TEX15: variants seen among roughly 807,000 people sequenced by gnomAD.
The protein encoded by TEX15 is testis-expressed protein 15.
Under a neutral mutation model 237.3 loss-of-function variants are expected in TEX15, and 171 were observed. The ratio of observed to expected loss-of-function variants is 0.72; its 90% CI spans 0.64 to 0.82. The LOEUF (loss-of-function observed/expected upper bound fraction) is 0.82. Ranked by LOEUF, TEX15 falls within the 40% of genes least tolerant of loss-of-function variation. The pLI is 0.00. For synonymous variants in TEX15, 1,338 were observed against 1,269.8 expected (o/e 1.05, Z -1.14); for missense variants, 3,750 against 3,646.5 (o/e 1.03, Z -0.73).
In TEX15 at chr8:30,845,104, A is replaced by G. The variant is rs776709287; in HGVS notation, c.5063T>C (p.Ile1688Thr). The change falls in exon 8 of 11, where the codon ATT (isoleucine) becomes ACT (threonine). Residue 1688 changes from isoleucine to threonine, a missense_variant. By Grantham distance (89) the Ile-to-Thr change is moderately conservative (BLOSUM62 -1). Coordinates refer to ENST00000643185, the MANE Select transcript of TEX15 (RefSeq NM_001350162.2). ...RNLEVKWTDPIERPKQNIITG... is the reference protein window; with the variant it reads ...RNLEVKWTDPTERPKQNIITG... ...AATAATGTTTTGTTTGGGTCTCTCA[A>G]TAGGATCTGTCCACTTTACTTCCAG... 7 of 1,613,416 alleles carry G rather than the reference A, an allele frequency of 4.3e-6. No individual in the cohort carries two copies. In the East Asian group the frequency reaches 6.7e-5, roughly 15 times the overall value.
intron 1 of TEX15, among the ~76,000 whole-genome samples, chr8:30,905,734 CAAAAAAAAAAA>C (rs34079195): frequency 2.0e-5 from 1 of 50,994 alleles, no homozygotes; most frequent in South Asian, 1.0e-3. Flanking sequence ...ACAAAAAATA[CAAAAAAAAAAA>C]AAAAAAAAAA....
chr8:30,888,385 A>G (rs999861863), intron 2 of TEX15, among the ~76,000 whole-genome samples: 1 of 152,186 alleles, frequency 6.6e-6, no homozygotes, highest in Admixed American at 6.5e-5. Context: ...TCGCTTATTG[A>G]CTACTGTTCC....
At chr8:30,853,071 T>C (rs1807822609) in intron 7 of TEX15, among the ~76,000 whole-genome samples, 1 of 152,226 alleles carries the variant, frequency 6.6e-6, no homozygotes, top group African/African-American at 2.4e-5. Context: ...GGGCATAATA[T>C]AGGTTTTCTC....
intron 7 of TEX15, among the ~76,000 whole-genome samples, chr8:30,850,907 C>T (rs908535857): frequency 1.8e-4 from 28 of 151,746 alleles, no homozygotes; most frequent in Non-Finnish European, 3.5e-4. Context: ...CAAAAAGATG[C>T]CCCAACCCCA....
At chr8:30,886,585 T>TG (rs143369172) in intron 3 of TEX15, among the ~76,000 whole-genome samples, 20,993 of 152,098 alleles carry the variant, frequency 0.14, 2,533 homozygotes, top group African/African-American at 0.32. Context: ...ACTGGCACCA[T>TG]GGGGAAGGAA....
intron 5 of TEX15, among the ~76,000 whole-genome samples, chr8:30,861,138 G>A (rs772570410): frequency 2.0e-4 from 31 of 152,124 alleles, no homozygotes; most frequent in African/African-American, 6.5e-4. Context: ...TAAAGATACC[G>A]TTTGAAATAA....
At chr8:30,839,825 T>C in intron 9 of TEX15, 81 bp downstream of exon 9, 1 of 831,304 alleles carries the variant, frequency 1.2e-6, no homozygotes, top group Non-Finnish European at 1.9e-6. Flanking sequence ...ATTATATAAA[T>C]AATTGTGTTA....
At position 30,887,322 on chromosome 8, in the gene TEX15, C is replaced by G; in HGVS notation, c.-9-11G>C. On this transcript the variant is annotated splice_polypyrimidine_tract_variant and intron_variant, in intron 2 of 10. Transcript: ENST00000643185. ...TTCCATTTTGTTGGCCTAAAATCAACCCAAGGTTATTAAGCAAAAAGGTCA... is the reference window on the plus strand; with the variant it reads ...TTCCATTTTGTTGGCCTAAAATCAAGCCAAGGTTATTAAGCAAAAAGGTCA... 6.6e-7 allele frequency: 1 copy of G among 1,519,320 alleles called. No individual in the cohort carries two copies. The highest frequency in any genetic ancestry group is 8.8e-7 in the Non-Finnish European group (1 of 1,140,476). The allele number at this position is 1,519,320 out of a possible 1,614,324, so 94.1% of individuals were successfully genotyped here.
At position 30,842,328 on chromosome 8, in the gene TEX15, C is replaced by G. The variant is rs756258855; in HGVS notation, c.7839G>C (p.Arg2613Ser). 1 of 1,613,814 alleles carries G rather than the reference C, an allele frequency of 6.2e-7. No homozygotes were observed. Among genetic ancestry groups the G allele is most frequent in the Non-Finnish European group, 8.5e-7 (1 of 1,179,870 alleles). ...RKDLGKMAHIRKVMKTIEHMK... is the reference protein window; with the variant it reads ...RKDLGKMAHISKVMKTIEHMK... ...TATGTTCAATCGTTTTCATGACTTT[C>G]CTAATGTGGGCCATTTTTCCTAAAT... Residue 2613 changes from arginine (R) to serine (S), a missense_variant, in exon 8 of 11, where the codon AGG becomes AGC. Arg to Ser is a moderately radical substitution (Grantham distance 110, BLOSUM62 -1). Transcript: ENST00000643185.
At chr8:30,874,858 G>T in intron 4 of TEX15, 79 bp downstream of exon 4, 1 of 834,974 alleles carries the variant, frequency 1.2e-6, no homozygotes, top group Non-Finnish European at 1.6e-6. Flanking sequence ...AATCTCATAT[G>T]GTAGAAATGA....
In TEX15 at chr8:30,843,693, C is replaced by T; in HGVS notation, c.6474G>A (p.Arg2158=). ...QLVELLEETK[R]EKNSYYVFLK... ...AGAATACATAGTATGAATTCTTTTCCCTTTTTGTTTCTTCAAGCAATTCAA... is the reference window on the plus strand; with the variant it reads ...AGAATACATAGTATGAATTCTTTTCTCTTTTTGTTTCTTCAAGCAATTCAA... The change falls in exon 8 of 11, where the codon AGG becomes AGA. Residue 2158 remains arginine, a synonymous_variant. Coordinates refer to ENST00000643185, the MANE Select transcript of TEX15 (RefSeq NM_001350162.2). The T allele has an allele frequency of 6.2e-7, 1 of 1,612,048 alleles. No individual in the cohort carries two copies. The highest frequency in any genetic ancestry group is 8.5e-7 in the Non-Finnish European group (1 of 1,179,220).
intron 5 of TEX15, 145 bp from the exon 6 acceptor site, chr8:30,860,202 G>T: frequency 1.6e-6 from 1 of 637,344 alleles, no homozygotes; most frequent in Non-Finnish European, 2.4e-6. Flanking sequence ...GGAGTTGCAG[G>T]CTCGACCTCT....
intron 3 of TEX15, among the ~76,000 whole-genome samples, chr8:30,878,853 A>C (rs924100006): frequency 1.3e-5 from 2 of 152,194 alleles, no homozygotes; most frequent in African/African-American, 4.8e-5. Flanking sequence ...GATGATGCCA[A>C]ATTGTTTTCT....
In TEX15 at chr8:30,843,598, G is replaced by T. The variant is rs201375818; in HGVS notation, c.6569C>A (p.Ser2190Tyr). 17 of 1,612,886 alleles carry T rather than the reference G, an allele frequency of 1.1e-5. No homozygotes were observed. The East Asian group carries it at 3.3e-4, about 32-fold the overall frequency. Residue 2190 changes from serine (S) to tyrosine (Y), a missense_variant, in exon 8 of 11, where the codon TCT (serine) becomes TAT (tyrosine). Coordinates refer to ENST00000643185, the MANE Select transcript of TEX15 (RefSeq NM_001350162.2). ...TCCACAGGTAAATGGAACAGAAAGA[G>T]AAAAATCAAAGCAATCGGAACAATG... is the stretch of plus-strand genomic sequence containing the variant. Reference protein sequence around the residue: ...MEHCSDCFDFSLSVPFTCGVN... With the variant: ...MEHCSDCFDFYLSVPFTCGVN...
intron 1 of TEX15, among the ~76,000 whole-genome samples, chr8:30,911,490 C>T (rs1483028821): frequency 6.6e-6 from 1 of 152,126 alleles, no homozygotes. Context: ...CACCAACACA[C>T]ATAGTCGTCA....
At chr8:30,840,109 A>C in intron 8 of TEX15, 145 bp from the exon 9 acceptor site, 3 of 449,172 alleles carry the variant, frequency 6.7e-6, no homozygotes, top group Non-Finnish European at 7.7e-6. Context: ...TCCCTGCAGA[A>C]AGCAGTGACT....
intron 10 of TEX15, 119 bp downstream of exon 10, chr8:30,836,684 C>G (rs1807308161): frequency 1.1e-6 from 1 of 932,622 alleles, no homozygotes; most frequent in African/African-American, 1.7e-5. Flanking sequence ...CAAATCTGTA[C>G]AGAAAAATGA....
intron 2 of TEX15, among the ~76,000 whole-genome samples, chr8:30,888,029 C>T (rs555662709): frequency 1.4e-4 from 21 of 150,600 alleles, no homozygotes; most frequent in African/African-American, 5.1e-4. Context: ...AACTTACACC[C>T]ATAACAATTT....
intron 7 of TEX15, among the ~76,000 whole-genome samples, chr8:30,852,017 C>T: frequency 6.6e-6 from 1 of 151,368 alleles, no homozygotes; most frequent in Admixed American, 6.6e-5. Flanking sequence ...TTTTAACATA[C>T]ACATAATGTT....
Sources: gnomAD v4.1 joint callset for allele counts (sites outside exome capture counted in the v4.1 genomes callset) on GRCh38, gnomAD v4.1.1 for gene constraint, MANE v1.5 for transcripts, NCBI Gene and HGNC (gene_info 2026-07-23, HGNC 2026-07-21) for gene names.